DOCK3: variants seen among roughly 807,000 people sequenced by gnomAD.
DOCK3 encodes dedicator of cytokinesis 3, also known as dedicator of cytokinesis protein 3.
DOCK3 carries 60 observed loss-of-function variants against 265.6 expected under a neutral mutation model. That is an observed-to-expected ratio of 0.23 (90% confidence interval 0.18 to 0.28). DOCK3 has a LOEUF of 0.28. Among genes scored for constraint, DOCK3 ranks in the 10% least tolerant of loss-of-function variants. DOCK3 has a pLI of 1.00. For missense variants in DOCK3, 1,981 were observed against 2,594.3 expected (o/e 0.76, Z 5.14); for synonymous variants, 881 against 938.0 (o/e 0.94, Z 1.11).
chr3:51,175,013 G>A (rs1040327002), intron 12 of DOCK3, among the ~76,000 whole-genome samples: 3 of 152,186 alleles, frequency 2.0e-5, no homozygotes, highest in Non-Finnish European at 4.4e-5. Flanking sequence ...AGTTACAGAT[G>A]TACAGACTGT....
At position 50,719,723 on chromosome 3, in the gene DOCK3, A is replaced by G. The variant is rs896627622; in HGVS notation, c.37+44423A>G. The G allele has an allele frequency of 2.9e-6, 4 of 1,399,744 alleles. No individual in the cohort carries two copies. The East Asian group carries it at 9.2e-5, about 32-fold the overall frequency. The allele number at this position is 1,399,744 out of a possible 1,614,324, so 86.7% of individuals were successfully genotyped here. ...TTGTATGCTTCAGAGTGAAGTTCTT[A>G]TCATCAAATTTCTCCCTATAGATGG... On this transcript the variant is annotated intron_variant, in intron 1 of 52. Coordinates refer to ENST00000266037, the MANE Select transcript of DOCK3 (RefSeq NM_004947.5).
chr3:50,973,290 C>T (rs13433690), intron 5 of DOCK3, among the ~76,000 whole-genome samples: 6 of 130,276 alleles, frequency 4.6e-5, no homozygotes, highest in Non-Finnish European at 6.2e-5. Flanking sequence ...CCTCCCCCCT[C>T]CCCCCACCCC....
At chr3:51,177,251 G>T (rs142441505) in intron 12 of DOCK3, among the ~76,000 whole-genome samples, 184 of 152,244 alleles carry the variant, frequency 1.2e-3, no homozygotes, top group African/African-American at 3.5e-3. Context: ...TCAAAACAAA[G>T]AAACAATAAC....
chr3:50,868,754 A>G (rs549306925), intron 3 of DOCK3, among the ~76,000 whole-genome samples: 85 of 151,846 alleles, frequency 5.6e-4, no homozygotes, highest in Non-Finnish European at 9.3e-4. Flanking sequence ...GGTAAGTTGG[A>G]TGTCTAGGAA....
At chr3:51,245,424 A>G in intron 21 of DOCK3, among the ~76,000 whole-genome samples, 1 of 137,166 alleles carries the variant, frequency 7.3e-6, no homozygotes, top group South Asian at 2.2e-4. Flanking sequence ...GGAGTCTTGC[A>G]CTGTCGCCTG....
At chr3:50,888,319 C>T (rs2048448535) in intron 3 of DOCK3, among the ~76,000 whole-genome samples, 1 of 152,110 alleles carries the variant, frequency 6.6e-6, no homozygotes, top group Non-Finnish European at 1.5e-5. Flanking sequence ...TGAAGGACCT[C>T]TTCAAGGAGA....
At chr3:50,951,725 G>A (rs1436482513) in intron 5 of DOCK3, among the ~76,000 whole-genome samples, 1 of 151,956 alleles carries the variant, frequency 6.6e-6, no homozygotes, top group East Asian at 1.9e-4. Context: ...GTTTTAGACT[G>A]TTATCCTGGT....
intron 9 of DOCK3, among the ~76,000 whole-genome samples, chr3:51,110,118 T>C (rs560995894): frequency 6.6e-5 from 10 of 152,066 alleles, no homozygotes; most frequent in South Asian, 2.1e-4. Context: ...TAGGAAGAAA[T>C]TGAATCCCTG....
Position 51,356,979 on chromosome 3 carries a change from G to A in DOCK3, c.4521G>A (p.Leu1507=). The A allele has an allele frequency of 1.9e-6, 3 of 1,613,064 alleles. No homozygotes were observed. The highest frequency in any genetic ancestry group is 1.7e-6 in the Non-Finnish European group (2 of 1,179,662). Residue 1507 remains leucine, a synonymous_variant, in exon 44 of 53, where the codon CTG becomes CTA. Transcript: ENST00000266037. Reference sequence around the variant, plus strand: ...GCCCCTAGGTGGAGGTGAGCCCTCTGGAGAATGCCATCCAAGTGGTTGAGA... The same window carrying A: ...GCCCCTAGGTGGAGGTGAGCCCTCTAGAGAATGCCATCCAAGTGGTTGAGA... ...ERRELVEVSP[L]ENAIQVVENK...
intron 32 of DOCK3, among the ~76,000 whole-genome samples, chr3:51,317,931 C>T (rs1304359730): frequency 6.6e-6 from 1 of 152,120 alleles, no homozygotes; most frequent in East Asian, 1.9e-4. Context: ...CTTAAAACCA[C>T]ATGGTGTGAG....
At chr3:50,711,306 G>C (rs1287102475) in intron 1 of DOCK3, among the ~76,000 whole-genome samples, 1 of 148,342 alleles carries the variant, frequency 6.7e-6, no homozygotes, top group Non-Finnish European at 1.5e-5. Context: ...CTGTTGCCCA[G>C]ACTGGAGTGC....
chr3:50,721,039 GT>G (rs1199627234), intron 1 of DOCK3, among the ~76,000 whole-genome samples: 88 of 149,168 alleles, frequency 5.9e-4, no homozygotes, highest in African/African-American at 1.1e-3. Context: ...CTTTTAATGT[GT>G]TTTTTTTTGT....
chr3:50,739,143 T>A (rs942742084), intron 1 of DOCK3, among the ~76,000 whole-genome samples: 1 of 152,208 alleles, frequency 6.6e-6, no homozygotes, highest in African/African-American at 2.4e-5. Context: ...GTAAGACACA[T>A]CTCTTGCAAG....
intron 1 of DOCK3, among the ~76,000 whole-genome samples, chr3:50,772,471 A>G (rs1020477125): frequency 1.3e-5 from 2 of 152,194 alleles, no homozygotes; most frequent in East Asian, 3.8e-4. Context: ...AACTCAAAGG[A>G]TAAATGCTTG....
intron 3 of DOCK3, among the ~76,000 whole-genome samples, chr3:50,848,317 A>T (rs1397755935): frequency 1.3e-5 from 2 of 152,142 alleles, no homozygotes; most frequent in African/African-American, 4.8e-5. Context: ...TAATACTGAT[A>T]TGCGATGTTT....
intron 33 of DOCK3, among the ~76,000 whole-genome samples, chr3:51,330,895 C>T (rs1467243139): frequency 6.6e-6 from 1 of 152,064 alleles, no homozygotes; most frequent in Non-Finnish European, 1.5e-5. Context: ...TCTAGAATAC[C>T]CTCCCCATCT....
intron 2 of DOCK3, among the ~76,000 whole-genome samples, chr3:50,811,671 G>T (rs2043766613): frequency 1.3e-5 from 2 of 152,084 alleles, no homozygotes; most frequent in Non-Finnish European, 2.9e-5. Context: ...ATACCTTAGA[G>T]AAATGTTTTT....
intron 5 of DOCK3, among the ~76,000 whole-genome samples, chr3:51,048,841 C>T (rs530881476): frequency 1.3e-4 from 19 of 150,206 alleles, no homozygotes; most frequent in South Asian, 4.2e-4. Context: ...CCAGCCTGAG[C>T]GACAGAGCGA....
chr3:51,375,830 A>T lies in DOCK3; in HGVS notation c.5495A>T (p.Glu1832Val). Residue 1832 changes from glutamate to valine, a missense_variant, in exon 51 of 53, where the codon GAA becomes GTA. Around this residue, in one of 4 missense-constraint regions of DOCK3, gnomAD observed 1,357 missense variants for 1,866.8 expected, o/e 0.73. Transcript: ENST00000266037. ...AGTGATCCCAATCTGTCTGTGGCTG[A>T]AAAAGGTATTGTTGCCCAGGTGGCC... ...PCSDPNLSVA[E>V]KGHYSLHFDA... is the part of the protein sequence containing the mutation. 1 of 1,613,768 alleles carries T rather than the reference A, an allele frequency of 6.2e-7. No individual in the cohort carries two copies. The highest frequency in any genetic ancestry group is 8.5e-7 in the Non-Finnish European group (1 of 1,179,736).
Sources: gnomAD v4.1 joint callset for allele counts (sites outside exome capture counted in the v4.1 genomes callset) on GRCh38, gnomAD v4.1.1 for gene constraint, gnomAD v4.1.1 regional missense constraint, MANE v1.5 for transcripts, NCBI Gene and HGNC (gene_info 2026-07-23, HGNC 2026-07-21) for gene names.